RIOK1: variants seen among roughly 807,000 people sequenced by gnomAD.
The protein encoded by RIOK1 is RIO kinase 1.
A neutral mutation model predicts 73.5 loss-of-function variants in RIOK1; 66 were observed. That is an observed-to-expected ratio of 0.90 (90% CI 0.74 to 1.10). The LOEUF (loss-of-function observed/expected upper bound fraction) is 1.10, where lower values mean the gene tolerates loss of function less well. Ranked by LOEUF, RIOK1 falls within the 50% of genes least tolerant of loss-of-function variation. RIOK1 has a pLI of 0.00. For missense variants in RIOK1, 658 were observed against 699.8 expected, an observed-to-expected ratio of 0.94 and a Z score of 0.67; for synonymous variants, 224 against 226.8, an observed-to-expected ratio of 0.99 and a Z score of 0.11.
rs190076176 is a variant in RIOK1 at position 7,394,398 on chromosome 6, C to T, written c.277-655C>T. Reference sequence around the variant, plus strand: ...GCAGTGAGCCAAGATCACACCACTGCACTCCAGCCTGGGCAACAGAGCGAG... The same window carrying T: ...GCAGTGAGCCAAGATCACACCACTGTACTCCAGCCTGGGCAACAGAGCGAG... On this transcript the variant is annotated intron_variant, in intron 2 of 16. Coordinates refer to ENST00000379834, the MANE Select transcript of RIOK1 (RefSeq NM_031480.3). Among the ~76,000 whole-genome samples the T allele has an allele frequency of 1.8e-4, 28 of 152,350 alleles. 1 individual carries two copies. The East Asian group carries it at 5.2e-3, about 28-fold the overall frequency.
Position 7,403,953 on chromosome 6 carries a change from A to G in RIOK1, c.780A>G (p.Ala260=). 1.9e-6 allele frequency: 3 copies of G among 1,611,230 alleles called. No homozygotes were observed. Among genetic ancestry groups the G allele is most frequent in the Non-Finnish European group, 2.5e-6 (3 of 1,177,992 alleles). The change falls in exon 9 of 17, where the codon GCA becomes GCG. Residue 260 remains alanine, a synonymous_variant. Coordinates refer to ENST00000379834, the MANE Select transcript of RIOK1 (RefSeq NM_031480.3). ...TATAATATCACAGGCTAAACACAGC[A>G]GAGATACCATGTCCAGAACCAATAA... is the stretch of plus-strand genomic sequence containing the variant. The part of the protein sequence containing the change: ...EMRNLIRLNT[A]EIPCPEPIML...
intron 6 of RIOK1, 33 bp from the exon 7 acceptor site, chr6:7,402,570 A>G (rs772975252): frequency 9.3e-6 from 14 of 1,510,754 alleles, no homozygotes; most frequent in Non-Finnish European, 1.1e-5. Flanking sequence ...TTTAACATAA[A>G]CTTCATTTTC....
chr6:7,417,413 AGAC>A lies in RIOK1; in HGVS notation c.1680_1682del (p.Thr561del), dbSNP rs1473352230. 5.8e-6 allele frequency: 9 copies of A among 1,562,358 alleles called. No homozygotes were observed. Among genetic ancestry groups the A allele is most frequent in the Non-Finnish European group, 7.8e-6 (9 of 1,153,796 alleles). On this transcript the variant is annotated inframe_deletion, in exon 17 of 17. Coordinates refer to ENST00000379834, the MANE Select transcript of RIOK1 (RefSeq NM_031480.3). ...AAACATGTGAAAAAAAGAAAGGAGA[AGAC>A]AGCCAAGACGAAAAAAGGCAAATAG...
chr6:7,403,891 G>GA (rs1364379368), intron 8 of RIOK1, 50 bp from the exon 9 acceptor site: 4 of 1,279,746 alleles, frequency 3.1e-6, no homozygotes, highest in Non-Finnish European at 4.5e-6. Context: ...AATTTATTTA[G>GA]ATGCCTTTTC....
chr6:7,402,787 T>C lies in RIOK1; in HGVS notation c.687-30T>C, dbSNP rs569583014. 11 of 1,604,008 alleles carry C rather than the reference T, an allele frequency of 6.9e-6. No individual in the cohort carries two copies. The South Asian group carries it at 8.9e-5, about 13-fold the overall frequency. On this transcript the variant is annotated intron_variant, in intron 7 of 16. Transcript: ENST00000379834. Reference sequence around the variant, plus strand: ...AAACATTAAAATAATAATGGAATGATTGAAATAATAAACATTTTTCTTATT... The same window carrying C: ...AAACATTAAAATAATAATGGAATGACTGAAATAATAAACATTTTTCTTATT...
In RIOK1 at chr6:7,408,043, T is replaced by G. The variant is rs146945452; in HGVS notation, c.1204-2343T>G. 8.6e-3 allele frequency among the ~76,000 whole-genome samples: 1,307 copies of G among 152,228 alleles called. 12 individuals are homozygous for G. The highest frequency in any genetic ancestry group is 0.014 in the Middle Eastern group (4 of 294). ...TATGCCTCTACACAGGTTTTCAGGT[T>G]TGTTTGTTTTTGAGATGGAGTCTCG... On this transcript the variant is annotated intron_variant, in intron 12 of 16. Coordinates refer to ENST00000379834, the MANE Select transcript of RIOK1 (RefSeq NM_031480.3).
In RIOK1 at chr6:7,411,431, A is replaced by G. The variant is rs1287743397; in HGVS notation, c.1369A>G (p.Met457Val). ...GAAATTGAAGGAAGAGGACATGGCC[A>G]TGAATGCCCAACAAGATAATGTAAG... is the stretch of plus-strand genomic sequence containing the variant. ...IMKLKEEDMA[M>V]NAQQDNILYQ... The change falls in exon 14 of 17, where the codon ATG (methionine) becomes GTG (valine). Residue 457 changes from methionine to valine, a missense_variant. Physicochemically the swap from Met to Val is conservative, Grantham distance 21. Coordinates refer to ENST00000379834, the MANE Select transcript of RIOK1 (RefSeq NM_031480.3). 2.5e-6 allele frequency: 4 copies of G among 1,614,124 alleles called. No individual in the cohort carries two copies. The highest frequency in any genetic ancestry group is 1.7e-5 in the Admixed American group (1 of 60,024).
At chr6:7,393,067 G>A (rs544684313) in intron 1 of RIOK1, 32 bp from the exon 2 acceptor site, 40 of 1,581,728 alleles carry the variant, frequency 2.5e-5, no homozygotes, top group South Asian at 4.4e-5. Context: ...TGGAAATATT[G>A]TTATGAAATA....
Position 7,403,786 on chromosome 6 carries a change from A to T in RIOK1, c.768-155A>T, listed in dbSNP as rs541369225. ...TCGGTGGTACATAATGGTGCCACTT[A>T]AAATAATCTTAGAGTTTATGAAATA... On this transcript the variant is annotated intron_variant, in intron 8 of 16. Coordinates refer to ENST00000379834, the MANE Select transcript of RIOK1 (RefSeq NM_031480.3). 1.2e-5 allele frequency: 6 copies of T among 510,260 alleles called. No individual in the cohort carries two copies. In the South Asian group the frequency reaches 1.4e-4, roughly 12 times the overall value. 31.6% of individuals were successfully genotyped at this position (510,260 alleles called of 1,614,324 possible).
At chr6:7,405,054 AT>A (rs944773521) in intron 11 of RIOK1, 33 bp downstream of exon 11, 16 of 1,558,334 alleles carry the variant, frequency 1.0e-5, no homozygotes, top group Non-Finnish European at 1.4e-5. Flanking sequence ...GAAACAGCTC[AT>A]TGGTCTGTTT....
At chr6:7,409,271 T>TGTGTGTG (rs1761829278) in intron 12 of RIOK1, among the ~76,000 whole-genome samples, 1 of 64,684 alleles carries the variant, frequency 1.5e-5, no homozygotes, top group African/African-American at 5.6e-5. Flanking sequence ...GTGTGTGTGT[T>TGTGTGTG]TGAGATGGAG....
At chr6:7,414,593 G>A (rs1329034618) in intron 16 of RIOK1, among the ~76,000 whole-genome samples, 1 of 152,122 alleles carries the variant, frequency 6.6e-6, no homozygotes, top group Non-Finnish European at 1.5e-5. Context: ...AGAGCACCTT[G>A]GGCATTGCCT....
At chr6:7,405,777 GTTTT>G (rs930729006) in intron 12 of RIOK1, among the ~76,000 whole-genome samples, 1 of 131,838 alleles carries the variant, frequency 7.6e-6, no homozygotes, top group African/African-American at 2.8e-5. Flanking sequence ...AAAGCCAGGG[GTTTT>G]TTTTTTTTCC....
rs1412137390 is a variant in RIOK1 at position 7,395,148 on chromosome 6, G to A, written c.367+5G>A. The A allele has an allele frequency of 6.2e-7, 1 of 1,608,342 alleles. No individual in the cohort carries two copies. ...TTGAGAATAAAATTAATTTAGGTGA[G>A]TTTACAAAATACATCACTGGGCTAA... is the stretch of plus-strand genomic sequence containing the variant. On this transcript the variant is annotated splice_donor_5th_base_variant and intron_variant, in intron 3 of 16. Coordinates refer to ENST00000379834, the MANE Select transcript of RIOK1 (RefSeq NM_031480.3).
At chr6:7,394,927 C>A in intron 2 of RIOK1, 126 bp from the exon 3 acceptor site, 1 of 1,449,044 alleles carries the variant, frequency 6.9e-7, no homozygotes, top group Non-Finnish European at 9.5e-7. Context: ...TTGACTCTTA[C>A]CTTTCCTTAA....
chr6:7,412,086 C>T (rs1194117762), intron 14 of RIOK1, among the ~76,000 whole-genome samples: 2 of 152,146 alleles, frequency 1.3e-5, no homozygotes, highest in Non-Finnish European at 2.9e-5. Flanking sequence ...GTAGGCTGGG[C>T]GCAGTGGCTC....
intron 1 of RIOK1, among the ~76,000 whole-genome samples, chr6:7,390,569 G>A (rs1031960046): frequency 6.6e-6 from 1 of 152,204 alleles, no homozygotes; most frequent in Non-Finnish European, 1.5e-5. Flanking sequence ...GACTGAATGG[G>A]TAGGGAAAGG....
In RIOK1 at chr6:7,393,281, G is replaced by A. The variant is rs746704762; in HGVS notation, c.254G>A (p.Trp85Ter). The A allele has an allele frequency of 6.2e-7, 1 of 1,614,058 alleles. No individual in the cohort carries two copies. The highest frequency in any genetic ancestry group is 1.1e-5 in the South Asian group (1 of 91,074). The change falls in exon 2 of 17, where the codon TGG becomes TAG. Residue 85 changes from tryptophan to a stop codon, truncating the protein, a stop_gained. Coordinates refer to ENST00000379834, the MANE Select transcript of RIOK1 (RefSeq NM_031480.3). LOFTEE classifies it high-confidence loss of function. ...GVGKLAKGYV[W>*]NGGSNPQANR... ...GGAAAACTCGCCAAGGGTTATGTCT[G>A]GAATGGAGGAAGCAACCCACAGGTA...
At position 7,403,978 on chromosome 6, in the gene RIOK1, A is replaced by G; in HGVS notation, c.805A>G (p.Met269Val). 1 of 1,612,652 alleles carries G rather than the reference A, an allele frequency of 6.2e-7. No homozygotes were observed. The highest frequency in any genetic ancestry group is 1.3e-5 in the African/African-American group (1 of 74,988). The change falls in exon 9 of 17, where the codon ATG (methionine) becomes GTG (valine). Residue 269 changes from methionine to valine, a missense_variant. By Grantham distance (21) the Met-to-Val change is conservative. Coordinates refer to ENST00000379834, the MANE Select transcript of RIOK1 (RefSeq NM_031480.3). ...AGAGATACCATGTCCAGAACCAATA[A>G]TGCTAAGAAGTCATGTTCTTGTCAT... ...TAEIPCPEPI[M>V]LRSHVLVMSF...
Sources: gnomAD v4.1 joint callset for allele counts (sites outside exome capture counted in the v4.1 genomes callset) on GRCh38, gnomAD v4.1.1 for gene constraint, MANE v1.5 for transcripts, NCBI Gene and HGNC (gene_info 2026-07-23, HGNC 2026-07-21) for gene names.